The following CTNND2 variants were observed in gnomAD, a reference collection of about 807,000 sequenced individuals.
CTNND2 encodes catenin delta-2.
CTNND2 carries 22 observed loss-of-function variants against 144.4 expected under a neutral mutation model. The observed-to-expected ratio is 0.15, with a 90% CI of 0.11 to 0.22. CTNND2 has a LOEUF of 0.22. Among genes scored for constraint, CTNND2 ranks in the 10% least tolerant of loss-of-function variants. CTNND2 has a pLI of 1.00. For missense variants in CTNND2, 1,353 were observed against 1,618.8 expected (o/e 0.84, Z 2.82); for synonymous variants, 751 against 695.6 (o/e 1.08, Z -1.25).
Position 11,264,704 on chromosome 5 carries a change from C to A in CTNND2, c.1629-27881G>T, listed in dbSNP as rs192415465. Among the ~76,000 whole-genome samples, 3 of 152,228 alleles carry A rather than the reference C, an allele frequency of 2.0e-5. No homozygotes were observed. In the East Asian group the frequency reaches 5.8e-4, roughly 29 times the overall value. On this transcript the variant is annotated intron_variant, in intron 9 of 21. Transcript: ENST00000304623. Reference sequence around the variant, plus strand: ...CAGCACTTTGGGAGGGCGAGGCAGGCGGTTGGCCTGAGCTCAGGAGTTCAA... The same window carrying A: ...CAGCACTTTGGGAGGGCGAGGCAGGAGGTTGGCCTGAGCTCAGGAGTTCAA...
intron 2 of CTNND2, among the ~76,000 whole-genome samples, chr5:11,580,998 C>T (rs866520119): frequency 8.5e-5 from 13 of 152,176 alleles, no homozygotes; most frequent in African/African-American, 3.1e-4. Flanking sequence ...AAACACCCAA[C>T]AGTTTATATA....
intron 3 of CTNND2, among the ~76,000 whole-genome samples, chr5:11,515,883 T>C (rs1772119301): frequency 6.6e-6 from 1 of 152,132 alleles, no homozygotes; most frequent in Non-Finnish European, 1.5e-5. Flanking sequence ...GAAGCTTGCT[T>C]AAGCTCAGGA....
At chr5:10,976,013 C>T (rs1026327972) in intron 21 of CTNND2, among the ~76,000 whole-genome samples, 2 of 152,222 alleles carry the variant, frequency 1.3e-5, no homozygotes, top group African/African-American at 2.4e-5. Context: ...AAATCCCACA[C>T]CAATCACTTC....
intron 3 of CTNND2, among the ~76,000 whole-genome samples, chr5:11,512,553 A>C (rs959808288): frequency 1.3e-5 from 2 of 152,216 alleles, no homozygotes; most frequent in African/African-American, 4.8e-5. Flanking sequence ...ACATGGACTG[A>C]AAGTCACCAC....
At chr5:11,809,239 T>C (rs1352040645) in intron 1 of CTNND2, among the ~76,000 whole-genome samples, 1 of 152,166 alleles carries the variant, frequency 6.6e-6, no homozygotes, top group East Asian at 1.9e-4. Context: ...ATTCTAGGAT[T>C]CCATTGATTG....
intron 7 of CTNND2, among the ~76,000 whole-genome samples, chr5:11,382,818 G>A (rs146627619): frequency 0.013 from 1,981 of 152,078 alleles, 39 homozygotes; most frequent in African/African-American, 0.046. Context: ...ACAACGCCTC[G>A]AATGGTATCA....
At chr5:11,885,938 C>T (rs1234739028) in intron 1 of CTNND2, among the ~76,000 whole-genome samples, 1 of 151,998 alleles carries the variant, frequency 6.6e-6, no homozygotes, top group Admixed American at 6.6e-5. Flanking sequence ...CGGGTCGATA[C>T]AGATTTTAAG....
intron 2 of CTNND2, among the ~76,000 whole-genome samples, chr5:11,694,111 G>A (rs867760104): frequency 1.2e-4 from 18 of 152,096 alleles, no homozygotes; most frequent in African/African-American, 4.1e-4. Flanking sequence ...ACCATTGAGG[G>A]CTATTTTAAA....
chr5:11,752,683 T>C (rs1788694750), intron 1 of CTNND2, among the ~76,000 whole-genome samples: 1 of 151,934 alleles, frequency 6.6e-6, no homozygotes, highest in Non-Finnish European at 1.5e-5. Flanking sequence ...TTTTTTTCGT[T>C]CTATATGCTT....
At chr5:11,827,991 T>C (rs1452587481) in intron 1 of CTNND2, among the ~76,000 whole-genome samples, 1 of 152,150 alleles carries the variant, frequency 6.6e-6, no homozygotes, top group Non-Finnish European at 1.5e-5. Context: ...AAACTGTAAG[T>C]CAGAAGAGCC....
At chr5:11,254,189 T>C (rs928854409) in intron 9 of CTNND2, among the ~76,000 whole-genome samples, 4 of 152,200 alleles carry the variant, frequency 2.6e-5, no homozygotes, top group African/African-American at 9.6e-5. Context: ...TAAACATTAG[T>C]AGTCAATCCA....
At chr5:11,429,722 T>C (rs1185286592) in intron 3 of CTNND2, among the ~76,000 whole-genome samples, 2 of 152,112 alleles carry the variant, frequency 1.3e-5, no homozygotes, top group Non-Finnish European at 2.9e-5. Flanking sequence ...AGATTAGACT[T>C]TGGCGTTTTG....
At chr5:11,592,267 CCTGT>C (rs1358693530) in intron 2 of CTNND2, among the ~76,000 whole-genome samples, 422 of 150,724 alleles carry the variant, frequency 2.8e-3, no homozygotes, top group Non-Finnish European at 5.0e-3. Flanking sequence ...TTCCTGCCTT[CCTGT>C]CTTCCTTCCT....
intron 1 of CTNND2, among the ~76,000 whole-genome samples, chr5:11,749,809 T>C (rs1581820393): frequency 6.6e-6 from 1 of 152,120 alleles, no homozygotes; most frequent in East Asian, 1.9e-4. Context: ...AATGAGGATA[T>C]ACAATGTTTT....
chr5:11,651,215 A>G (rs1339890936), intron 2 of CTNND2, among the ~76,000 whole-genome samples: 1 of 152,142 alleles, frequency 6.6e-6, no homozygotes, highest in Non-Finnish European at 1.5e-5. Context: ...AGCCATGGCT[A>G]AAAGGGTCCC....
chr5:11,617,202 A>G (rs546229615), intron 2 of CTNND2, among the ~76,000 whole-genome samples: 1 of 152,162 alleles, frequency 6.6e-6, no homozygotes, highest in Admixed American at 6.5e-5. Context: ...CCCTTACACA[A>G]ATGCTCCTAT....
At chr5:11,000,260 C>T (rs1379552283) in intron 18 of CTNND2, among the ~76,000 whole-genome samples, 3 of 152,222 alleles carry the variant, frequency 2.0e-5, no homozygotes, top group South Asian at 2.1e-4. Flanking sequence ...CAGTGGCTCA[C>T]GCCTGTAATC....
chr5:11,453,143 T>C (rs1255871722), intron 3 of CTNND2, among the ~76,000 whole-genome samples: 2 of 152,182 alleles, frequency 1.3e-5, no homozygotes, highest in African/African-American at 4.8e-5. Context: ...AAACCAAGTC[T>C]GAGGGACTTC....
At chr5:11,750,000 C>T (rs1788524589) in intron 1 of CTNND2, among the ~76,000 whole-genome samples, 1 of 151,960 alleles carries the variant, frequency 6.6e-6, no homozygotes, top group African/African-American at 2.4e-5. Context: ...GCAGGATCCT[C>T]TGGGCAAGTG....
Sources: allele counts gnomAD v4.1 joint callset (sites outside exome capture counted in the v4.1 genomes callset), GRCh38; gene constraint gnomAD v4.1.1; transcripts MANE v1.5; gene names NCBI Gene and HGNC (gene_info 2026-07-23, HGNC 2026-07-21).